RBM3: variants seen among roughly 807,000 people sequenced by gnomAD.
The protein encoded by RBM3 is RNA binding motif protein 3.
A neutral mutation model predicts 12.0 loss-of-function variants in RBM3; 3 were observed. That is an observed-to-expected ratio of 0.25 (90% CI 0.11 to 0.65). RBM3 has a LOEUF of 0.65. RBM3 is among the 30% of genes least tolerant of loss of function. The pLI is 0.84. For missense variants in RBM3, 108 were observed against 134.5 expected, an observed-to-expected ratio of 0.80 and a Z score of 0.97; for synonymous variants, 58 against 45.7, an observed-to-expected ratio of 1.27 and a Z score of -1.08.
intron 6 of RBM3, 135 bp from the exon 7 acceptor site, chrX:48,577,330 T>A: frequency 1.1e-6 from 1 of 919,003 alleles, no homozygotes; most frequent in Non-Finnish European, 1.5e-6. Flanking sequence ...AATCTTCTAC[T>A]CTTGTGTGGG....
rs1323539380 is a variant in RBM3, at chrX:48,575,647, A to G, written c.190A>G (p.Met64Val). 4 of 1,209,289 alleles carry G rather than the reference A, an allele frequency of 3.3e-6. No individual in the cohort carries two copies. The highest frequency in any genetic ancestry group is 1.7e-5 in the African/African-American group (1 of 57,279). Residue 64 changes from methionine (M) to valine (V), a missense_variant, in exon 3 of 7, where the codon ATG becomes GTG. Transcript: ENST00000376759. ...CAACCCAGAGCATGCTTCAGTTGCCATGAGAGCCATGAACGGAGAGGTGGG... is the reference window on the plus strand; with the variant it reads ...CAACCCAGAGCATGCTTCAGTTGCCGTGAGAGCCATGAACGGAGAGGTGGG... ...FTNPEHASVA[M>V]RAMNGESLDG...
In RBM3 at chrX:48,574,515, G is replaced by A. The variant is rs782257471; in HGVS notation, c.-72G>A. 2 of 332,074 alleles carry A rather than the reference G, an allele frequency of 6.0e-6. No homozygotes were observed. The highest frequency in any genetic ancestry group is 5.2e-5 in the South Asian group (2 of 38,596). The allele number at this position is 332,074 out of a possible 1,213,427, so 27.4% of individuals were successfully genotyped here. On this transcript the variant is annotated 5_prime_UTR_variant, in exon 1 of 7. Transcript: ENST00000376759. ...CGTCTTCCGGCGCAGCCCCGTCCCT[G>A]TTTTTTGTGCTCCTCCGAGCTCGCT...
At chrX:48,575,523 A>G in intron 2 of RBM3, 38 bp from the exon 3 acceptor site, 3 of 1,133,494 alleles carry the variant, frequency 2.6e-6, no homozygotes, top group Non-Finnish European at 3.6e-6. Context: ...TGGGGTACTG[A>G]CTGGTCCACA....
chrX:48,577,105 T>C lies in RBM3; in HGVS notation c.*19T>C, dbSNP rs2062084275. 1.7e-6 allele frequency: 2 copies of C among 1,211,690 alleles called. No individual in the cohort carries two copies. Among genetic ancestry groups the C allele is most frequent in the Non-Finnish European group, 2.2e-6 (2 of 895,541 alleles). On this transcript the variant is annotated 3_prime_UTR_variant, in exon 6 of 7. Transcript: ENST00000376759. ...CAACTGAAATGAGACATGCACATAA[T>C]ATAGGTGAGACTTGGATATCGGCAT... is the stretch of plus-strand genomic sequence containing the variant.
chrX:48,578,687 G>T lies in RBM3; in HGVS notation c.*1246G>T, dbSNP rs1556989937. 1.8e-5 allele frequency: 2 copies of T among 112,007 alleles called. No individual in the cohort carries two copies. Among genetic ancestry groups the T allele is most frequent in the Non-Finnish European group, 3.8e-5 (2 of 53,208 alleles). The allele number at this position is 112,007 out of a possible 1,213,427, so 9.2% of individuals were successfully genotyped here. ...TTGAGGCCTGAGGCCTGCTGGAATTGGGTTTCCTTAACTGGTCTCTTATCT... is the reference window on the plus strand; with the variant it reads ...TTGAGGCCTGAGGCCTGCTGGAATTTGGTTTCCTTAACTGGTCTCTTATCT... On this transcript the variant is annotated 3_prime_UTR_variant, in exon 7 of 7. Transcript: ENST00000376759.
At position 48,580,444 on chromosome X, in the gene RBM3, T is replaced by A. The variant is rs1397800821; in HGVS notation, c.*3003T>A. The stretch of plus-strand genomic sequence containing the variant: ...CAGGGTCTCACTCTGTCTCCCAGGC[T>A]GGAGTGCAGTGGCACAATCTCGGCT... On this transcript the variant is annotated 3_prime_UTR_variant, in exon 7 of 7. Coordinates refer to ENST00000376759, the MANE Select transcript of RBM3 (RefSeq NM_006743.5). Among the ~76,000 whole-genome samples the A allele has an allele frequency of 2.7e-5, 3 of 111,685 alleles. No individual in the cohort carries two copies. Among genetic ancestry groups the A allele is most frequent in the Non-Finnish European group, 5.6e-5 (3 of 53,162 alleles).
chrX:48,577,418 G>A, intron 6 of RBM3, 47 bp from the exon 7 acceptor site: 2 of 924,627 alleles, frequency 2.2e-6, no homozygotes, highest in Non-Finnish European at 3.0e-6. Flanking sequence ...CATGTTGTCA[G>A]CTGTTACTTC....
chrX:48,576,907 C>T (rs1334504284), intron 5 of RBM3, 119 bp from the exon 6 acceptor site: 2 of 908,186 alleles, frequency 2.2e-6, no homozygotes, highest in Non-Finnish European at 3.0e-6. Context: ...TTAACATATC[C>T]TGTTTTTGAT....
chrX:48,576,248 C>T, intron 3 of RBM3, 66 bp from the exon 4 acceptor site: 3 of 1,170,178 alleles, frequency 2.6e-6, no homozygotes, highest in Non-Finnish European at 3.4e-6. Context: ...TTACCCTTGC[C>T]TGCTCTTCCC....
chrX:48,575,736 C>T, intron 3 of RBM3, 69 bp downstream of exon 3: 3 of 1,024,022 alleles, frequency 2.9e-6, no homozygotes, highest in Non-Finnish European at 4.0e-6. Context: ...TTGTTTTTCC[C>T]TCTGTGTCTG....
rs1228846237 is a variant in RBM3, at chrX:48,578,527, T to C, written c.*1086T>C. ...GGCGGAAGTTGCAGTGAGCTGAGAT[T>C]GTGCCACTGCACTCCAGCCTAGGTG... On this transcript the variant is annotated 3_prime_UTR_variant, in exon 7 of 7. Coordinates refer to ENST00000376759, the MANE Select transcript of RBM3 (RefSeq NM_006743.5). 4 of 108,893 alleles carry C rather than the reference T, an allele frequency of 3.7e-5. No individual in the cohort carries two copies. The highest frequency in any genetic ancestry group is 6.7e-5 in the African/African-American group (2 of 29,830). 9.0% of individuals were successfully genotyped at this position (108,893 alleles called of 1,213,427 possible).
intron 5 of RBM3, 24 bp downstream of exon 5, chrX:48,576,628 G>A: frequency 8.6e-7 from 1 of 1,163,370 alleles, no homozygotes; most frequent in South Asian, 1.9e-5. Context: ...GGGCTGGGAT[G>A]TTCTCCTATT....
At chrX:48,577,329 C>G (rs946415463) in intron 6 of RBM3, 136 bp from the exon 7 acceptor site, 23 of 921,288 alleles carry the variant, frequency 2.5e-5, no homozygotes, top group Admixed American at 2.4e-4. Flanking sequence ...TAATCTTCTA[C>G]TCTTGTGTGG....
In RBM3 at chrX:48,575,240, G is replaced by A; in HGVS notation, c.60G>A (p.Gln20=). The A allele has an allele frequency of 8.3e-7, 1 of 1,210,601 alleles. No individual in the cohort carries two copies. Residue 20 remains glutamine, a synonymous_variant, in exon 2 of 7, where the codon CAG becomes CAA. Coordinates refer to ENST00000376759, the MANE Select transcript of RBM3 (RefSeq NM_006743.5). The stretch of plus-strand genomic sequence containing the variant: ...GGCTCAACTTTAACACCGACGAGCA[G>A]GCACTGGAAGACCACTTCAGCAGTT... ...VGGLNFNTDE[Q]ALEDHFSSFG...
chrX:48,574,552 T>A lies in RBM3; in HGVS notation c.-35T>A, dbSNP rs1253406463. On this transcript the variant is annotated 5_prime_UTR_variant, in exon 1 of 7. Transcript: ENST00000376759. ...CCTCCGAGCTCGCTGTTCGTCCGGG[T>A]TTTTTACGTTTTAATTTCCAGGTAA... 2 of 330,935 alleles carry A rather than the reference T, an allele frequency of 6.0e-6. No homozygotes were observed. Among genetic ancestry groups the A allele is most frequent in the African/African-American group, 5.3e-5 (2 of 37,864 alleles). 27.3% of individuals were successfully genotyped at this position (330,935 alleles called of 1,213,427 possible).
In RBM3 at chrX:48,576,901, CAT is replaced by C. The variant is rs2062082868; in HGVS notation, c.414-122_414-121del. The C allele has an allele frequency of 3.4e-6, 3 of 878,539 alleles. No individual in the cohort carries two copies. The Admixed American group carries it at 1.0e-4, about 30-fold the overall frequency. The allele number at this position is 878,539 out of a possible 1,213,427, so 72.4% of individuals were successfully genotyped here. ...TTTACTGTGATACTCATATGCTTAA[CAT>C]ATCCTGTTTTTGATACGTAAGGTTT... On this transcript the variant is annotated intron_variant, in intron 5 of 6. Transcript: ENST00000376759.
intron 3 of RBM3, 46 bp downstream of exon 3, chrX:48,575,713 T>A (rs1556989110): frequency 3.6e-6 from 4 of 1,112,396 alleles, no homozygotes; most frequent in Non-Finnish European, 3.7e-6. Flanking sequence ...ATCTGCGGCT[T>A]CCTTCATTCT....
At chrX:48,575,435 C>G (rs2147207219) in intron 2 of RBM3, 126 bp from the exon 3 acceptor site, 1 of 796,144 alleles carries the variant, frequency 1.3e-6, no homozygotes, top group Non-Finnish European at 1.8e-6. Context: ...GGGGAAGCGT[C>G]TTTGGGATTA....
intron 2 of RBM3, 93 bp from the exon 3 acceptor site, chrX:48,575,468 A>G: frequency 1.2e-6 from 1 of 868,907 alleles, no homozygotes; most frequent in Non-Finnish European, 1.6e-6. Context: ...CGTTTTCCCT[A>G]CCTATGCCAT....
Sources: gnomAD v4.1 joint callset for allele counts (sites outside exome capture counted in the v4.1 genomes callset) on GRCh38, gnomAD v4.1.1 for gene constraint, MANE v1.5 for transcripts, NCBI Gene and HGNC (gene_info 2026-07-23, HGNC 2026-07-21) for gene names.